The following HECW1 variants were observed in gnomAD, a reference collection of about 807,000 sequenced individuals.
HECW1 encodes HECT, C2 and WW domain containing E3 ubiquitin protein ligase 1.
A neutral mutation model predicts 182.3 loss-of-function variants in HECW1; 61 were observed. The observed-to-expected ratio is 0.33, with a 90% CI of 0.27 to 0.41. HECW1 has a LOEUF of 0.41. Ranked by LOEUF, HECW1 falls within the 10% of genes least tolerant of loss-of-function variation. The pLI is 1.00. For synonymous variants in HECW1, 859 were observed against 832.6 expected (o/e 1.03, Z -0.55); for missense variants, 1,739 against 2,108.9 (o/e 0.82, Z 3.44).
intron 29 of HECW1, among the ~76,000 whole-genome samples, chr7:43,561,364 C>A (rs572076291): frequency 2.0e-5 from 3 of 152,318 alleles, no homozygotes; most frequent in Non-Finnish European, 2.9e-5. Flanking sequence ...AGAACTGGAT[C>A]TCAGAATTCC....
intron 8 of HECW1, among the ~76,000 whole-genome samples, chr7:43,415,168 G>A (rs1053702851): frequency 6.3e-4 from 93 of 147,574 alleles, no homozygotes; most frequent in African/African-American, 1.7e-3. Flanking sequence ...GGCTGGTACC[G>A]GTTGTTCCTT....
chr7:43,462,826 G>A (rs2077634817), intron 13 of HECW1, among the ~76,000 whole-genome samples: 1 of 152,188 alleles, frequency 6.6e-6, no homozygotes, highest in African/African-American at 2.4e-5. Context: ...TTCCCAACAA[G>A]CTCCCCAACA....
intron 4 of HECW1, among the ~76,000 whole-genome samples, chr7:43,315,745 C>T (rs775934530): frequency 1.3e-5 from 2 of 152,104 alleles, no homozygotes; most frequent in South Asian, 2.1e-4. Context: ...CCACCCACCT[C>T]GGCCTCCCAA....
intron 28 of HECW1, 44 bp downstream of exon 28, chr7:43,552,380 A>G (rs757596601): frequency 1.0e-5 from 12 of 1,163,174 alleles, no homozygotes; most frequent in Admixed American, 5.1e-5. Context: ...CACAAATAGA[A>G]CTCAGCACTT....
intron 2 of HECW1, among the ~76,000 whole-genome samples, chr7:43,147,090 G>C (rs1325588818): frequency 6.6e-6 from 1 of 152,206 alleles, no homozygotes; most frequent in African/African-American, 2.4e-5. Flanking sequence ...TGTTGTGAAA[G>C]ACTATTAAAG....
intron 6 of HECW1, among the ~76,000 whole-genome samples, chr7:43,396,476 C>T (rs1459940519): frequency 1.3e-5 from 2 of 152,158 alleles, no homozygotes; most frequent in Non-Finnish European, 2.9e-5. Context: ...CATTCTAGTG[C>T]CTTAGGCCCT....
chr7:43,356,565 T>G lies in HECW1; in HGVS notation c.461-4321T>G, dbSNP rs562850488. Among the ~76,000 whole-genome samples the G allele has an allele frequency of 5.9e-5, 9 of 152,278 alleles. No homozygotes were observed. In the South Asian group the frequency reaches 1.5e-3, roughly 25 times the overall value. On this transcript the variant is annotated intron_variant, in intron 5 of 29. Coordinates refer to ENST00000395891, the MANE Select transcript of HECW1 (RefSeq NM_015052.5). ...TGGCCTAACTGACATCTATAGAACA[T>G]TTCACTCAACTGCTGCAGAATACAC...
intron 6 of HECW1, among the ~76,000 whole-genome samples, chr7:43,361,964 A>C (rs1815990061): frequency 1.3e-5 from 2 of 151,276 alleles, no homozygotes; most frequent in South Asian, 2.1e-4. Flanking sequence ...CAACATGGTG[A>C]AACGCTGTCT....
At chr7:43,410,570 C>T (rs1314179495) in intron 8 of HECW1, among the ~76,000 whole-genome samples, 1 of 152,160 alleles carries the variant, frequency 6.6e-6, no homozygotes, top group Admixed American at 6.6e-5. Context: ...TTTTCCTCCT[C>T]ATATTTTCTG....
chr7:43,416,525 G>A (rs1023792982), intron 8 of HECW1, among the ~76,000 whole-genome samples: 9 of 152,066 alleles, frequency 5.9e-5, no homozygotes, highest in Non-Finnish European at 1.2e-4. Flanking sequence ...TACAGTGGCA[G>A]GCAGGCCTCC....
At chr7:43,299,280 G>A (rs572841652) in intron 3 of HECW1, among the ~76,000 whole-genome samples, 53 of 152,298 alleles carry the variant, frequency 3.5e-4, no homozygotes, top group African/African-American at 9.4e-4. Flanking sequence ...CCACGAGGCC[G>A]GAATCGGTGG....
At chr7:43,193,900 A>G (rs766624982) in intron 2 of HECW1, among the ~76,000 whole-genome samples, 1 of 152,182 alleles carries the variant, frequency 6.6e-6, no homozygotes, top group African/African-American at 2.4e-5. Flanking sequence ...CAGATTGTGA[A>G]TGCCCCCCAC....
chr7:43,305,142 A>G (rs745479922), intron 3 of HECW1, among the ~76,000 whole-genome samples: 1 of 151,880 alleles, frequency 6.6e-6, no homozygotes. Context: ...TCCCTAATGA[A>G]CTCTCTTCCT....
At chr7:43,541,302 T>A (rs1382471239) in intron 25 of HECW1, 41 bp downstream of exon 25, 5 of 1,491,732 alleles carry the variant, frequency 3.4e-6, no homozygotes, top group Non-Finnish European at 2.8e-6. Context: ...CAGCCCTGTC[T>A]GCAGGGCAAG....
At chr7:43,540,418 G>T (rs2081323498) in intron 24 of HECW1, among the ~76,000 whole-genome samples, 1 of 152,204 alleles carries the variant, frequency 6.6e-6, no homozygotes, top group African/African-American at 2.4e-5. Flanking sequence ...TTTAGGAGCA[G>T]GCAACAATGG....
At chr7:43,443,306 G>C (rs2152876673) in intron 10 of HECW1, among the ~76,000 whole-genome samples, 1 of 152,300 alleles carries the variant, frequency 6.6e-6, no homozygotes, top group Middle Eastern at 3.4e-3. Context: ...TGAGAACTTA[G>C]AGCCTGGAGT....
intron 3 of HECW1, chr7:43,274,530 C>A (rs900808429): frequency 6.1e-4 from 356 of 580,478 alleles, no homozygotes; most frequent in Non-Finnish European, 1.6e-4. Flanking sequence ...TCGCAGCCAA[C>A]AAGTGCCGCC....
At position 43,431,500 on chromosome 7, in the gene HECW1, G is replaced by A. The variant is rs114414308; in HGVS notation, c.802-6503G>A. On this transcript the variant is annotated intron_variant, in intron 8 of 29. Transcript: ENST00000395891. ...GCCACCCTTTTCTCCTTGCCTGCTA[G>A]TCTCCCCACCACTTTGCACTTATCT... Among the ~76,000 whole-genome samples, 379 of 152,142 alleles carry A rather than the reference G, an allele frequency of 2.5e-3. 4 individuals carry two copies. The highest frequency in any genetic ancestry group is 8.7e-3 in the African/African-American group (362 of 41,504).
intron 6 of HECW1, among the ~76,000 whole-genome samples, chr7:43,364,566 G>A (rs997915949): frequency 1.3e-5 from 2 of 152,250 alleles, no homozygotes. Context: ...CTGCGGAGGA[G>A]GGGGCGTGGC....
Sources: allele counts gnomAD v4.1 joint callset (sites outside exome capture counted in the v4.1 genomes callset), GRCh38; gene constraint gnomAD v4.1.1; transcripts MANE v1.5; gene names NCBI Gene and HGNC (gene_info 2026-07-23, HGNC 2026-07-21).